AUTS2: variants seen among roughly 807,000 people sequenced by gnomAD.
AUTS2 encodes activator of transcription and developmental regulator AUTS2.
AUTS2 carries 17 observed loss-of-function variants against 112.4 expected under a neutral mutation model. The ratio of observed to expected loss-of-function variants is 0.15; its 90% CI spans 0.10 to 0.23. AUTS2 has a LOEUF of 0.23. Among genes scored for constraint, AUTS2 ranks in the 10% least tolerant of loss-of-function variants. The probability of loss-of-function intolerance (pLI) is 1.00; values close to 1 mark genes in which losing one functional copy is unlikely to be tolerated. For synonymous variants in AUTS2, 751 were observed against 702.7 expected, an observed-to-expected ratio of 1.07 and a Z score of -1.09; for missense variants, 1,510 against 1,701.6, an observed-to-expected ratio of 0.89 and a Z score of 1.98.
At chr7:69,681,201 T>A (rs1796779288) in intron 1 of AUTS2, among the ~76,000 whole-genome samples, 2 of 152,256 alleles carry the variant, frequency 1.3e-5, no homozygotes, top group South Asian at 4.1e-4. Flanking sequence ...TGTGAATTAG[T>A]GCTTCTATGA....
intron 4 of AUTS2, among the ~76,000 whole-genome samples, chr7:70,219,147 T>C (rs766325853): frequency 6.6e-6 from 1 of 152,224 alleles, no homozygotes; most frequent in Non-Finnish European, 1.5e-5. Context: ...TACCGTATGA[T>C]GGGCAAATTG....
chr7:70,546,437 C>CTT (rs1345334907), intron 5 of AUTS2, among the ~76,000 whole-genome samples: 1 of 151,124 alleles, frequency 6.6e-6, no homozygotes, highest in East Asian at 2.0e-4. Flanking sequence ...GAGTGAGACT[C>CTT]TGTCTCAAAA....
At chr7:69,821,670 C>T (rs898680489) in intron 1 of AUTS2, among the ~76,000 whole-genome samples, 15 of 151,926 alleles carry the variant, frequency 9.9e-5, no homozygotes, top group Admixed American at 3.9e-4. Context: ...ATGAACCCAC[C>T]GGGAAAAACA....
intron 1 of AUTS2, among the ~76,000 whole-genome samples, chr7:69,852,079 C>A (rs1464374123): frequency 6.6e-6 from 1 of 152,156 alleles, no homozygotes; most frequent in Non-Finnish European, 1.5e-5. Flanking sequence ...AGCATTAGGT[C>A]TTTCCCTACT....
At chr7:69,918,351 A>C (rs190982052) in intron 2 of AUTS2, among the ~76,000 whole-genome samples, 33 of 152,332 alleles carry the variant, frequency 2.2e-4, no homozygotes, top group South Asian at 1.7e-3. Flanking sequence ...TGGAGATTAC[A>C]GAAGCCTTTT....
At chr7:70,253,590 G>T (rs1584936308) in intron 4 of AUTS2, among the ~76,000 whole-genome samples, 1 of 152,060 alleles carries the variant, frequency 6.6e-6, no homozygotes, top group South Asian at 2.1e-4. Context: ...GGAGAAGGTG[G>T]TTTTTACCAG....
intron 5 of AUTS2, among the ~76,000 whole-genome samples, chr7:70,537,313 A>G (rs1435426045): frequency 6.6e-6 from 1 of 152,200 alleles, no homozygotes; most frequent in African/African-American, 2.4e-5. Context: ...TCCCAGTACT[A>G]CAACATTGGA....
chr7:69,714,057 G>GGA (rs998412900), intron 1 of AUTS2, among the ~76,000 whole-genome samples: 2 of 151,704 alleles, frequency 1.3e-5, no homozygotes, highest in African/African-American at 4.8e-5. Flanking sequence ...TTTTGTATAT[G>GGA]GATTGAATTT....
At chr7:70,262,298 T>G (rs973401555) in intron 4 of AUTS2, among the ~76,000 whole-genome samples, 5 of 152,118 alleles carry the variant, frequency 3.3e-5, no homozygotes, top group African/African-American at 9.7e-5. Flanking sequence ...CAAGCAATTC[T>G]CCTGCCTCAG....
rs549815191 is a variant in AUTS2 at position 70,255,664 on chromosome 7, CT to C, written c.660+121103del. Among the ~76,000 whole-genome samples, 14 of 149,714 alleles carry C rather than the reference CT, an allele frequency of 9.4e-5. No individual in the cohort carries two copies. In the East Asian group the frequency reaches 9.8e-4, roughly 10 times the overall value. On this transcript the variant is annotated intron_variant, in intron 4 of 18. Coordinates refer to ENST00000342771, the MANE Select transcript of AUTS2 (RefSeq NM_015570.4). The stretch of plus-strand genomic sequence containing the variant: ...CAAAAGCTCACATTGTAGAATATGA[CT>C]TTTTTTTTTCTTTGTTGTTATGTTT...
chr7:69,974,357 T>C (rs957182350), intron 2 of AUTS2, among the ~76,000 whole-genome samples: 2 of 150,812 alleles, frequency 1.3e-5, no homozygotes, highest in Non-Finnish European at 2.9e-5. Flanking sequence ...TTGATTTTTT[T>C]CAAAGAACAA....
intron 10 of AUTS2, among the ~76,000 whole-genome samples, chr7:70,770,956 A>T (rs1202527069): frequency 6.6e-6 from 1 of 152,154 alleles, no homozygotes; most frequent in Admixed American, 6.5e-5. Context: ...CCTTTCACAA[A>T]TATTTGTCAT....
At chr7:69,871,084 A>G (rs1793474970) in intron 1 of AUTS2, among the ~76,000 whole-genome samples, 1 of 152,182 alleles carries the variant, frequency 6.6e-6, no homozygotes. Context: ...TGATATGCAC[A>G]CATTTAACCA....
chr7:69,772,196 A>G (rs1233413731), intron 1 of AUTS2, among the ~76,000 whole-genome samples: 1 of 152,180 alleles, frequency 6.6e-6, no homozygotes, highest in African/African-American at 2.4e-5. Flanking sequence ...ACCTTGTGCA[A>G]TTTCTGGATA....
intron 1 of AUTS2, among the ~76,000 whole-genome samples, chr7:69,645,632 G>C (rs1282539409): frequency 6.6e-6 from 1 of 152,144 alleles, no homozygotes; most frequent in African/African-American, 2.4e-5. Flanking sequence ...TGGCATCTCT[G>C]TTTTGTGATG....
chr7:69,835,725 T>A (rs1440560267), intron 1 of AUTS2, among the ~76,000 whole-genome samples: 1 of 152,190 alleles, frequency 6.6e-6, no homozygotes, highest in Non-Finnish European at 1.5e-5. Flanking sequence ...CACATGTCAT[T>A]AAAGAGTTTC....
At chr7:69,846,234 T>A (rs892288387) in intron 1 of AUTS2, among the ~76,000 whole-genome samples, 1 of 152,214 alleles carries the variant, frequency 6.6e-6, no homozygotes, top group Non-Finnish European at 1.5e-5. Flanking sequence ...TTGACCACTC[T>A]ATGATTATTC....
intron 6 of AUTS2, among the ~76,000 whole-genome samples, chr7:70,724,238 C>T (rs1181812071): frequency 1.3e-5 from 2 of 152,032 alleles, no homozygotes; most frequent in Non-Finnish European, 1.5e-5. Flanking sequence ...TTTGCAGGCA[C>T]ATATATACCT....
chr7:70,057,917 C>T (rs913119046), intron 2 of AUTS2, among the ~76,000 whole-genome samples: 4 of 152,102 alleles, frequency 2.6e-5, no homozygotes, highest in African/African-American at 9.7e-5. Flanking sequence ...AGGAAATTAG[C>T]AAAACTTTAA....
Sources: allele counts gnomAD v4.1 joint callset (sites outside exome capture counted in the v4.1 genomes callset), GRCh38; gene constraint gnomAD v4.1.1; transcripts MANE v1.5; gene names NCBI Gene and HGNC (gene_info 2026-07-23, HGNC 2026-07-21).